UAP1: variants seen among roughly 807,000 people sequenced by gnomAD.
UAP1 encodes the protein UDP-N-acetylhexosamine pyrophosphorylase.
A neutral mutation model predicts 58.5 loss-of-function variants in UAP1; 25 were observed. The ratio of observed to expected loss-of-function variants is 0.43; its 90% CI spans 0.31 to 0.60. UAP1 has a LOEUF of 0.60. Ranked by LOEUF, UAP1 falls within the 20% of genes least tolerant of loss-of-function variation. The pLI is 0.11. For missense variants in UAP1, 575 were observed against 630.0 expected (o/e 0.91, Z 0.93); for synonymous variants, 208 against 213.0 (o/e 0.98, Z 0.21).
At chr1:162,578,978 C>A (rs1434647961) in intron 3 of UAP1, among the ~76,000 whole-genome samples, 1 of 152,094 alleles carries the variant, frequency 6.6e-6, no homozygotes, top group South Asian at 2.1e-4. Context: ...TATAATTATA[C>A]TTTTATGATT....
chr1:162,579,917 T>A (rs1260934028), intron 4 of UAP1, among the ~76,000 whole-genome samples: 2 of 152,170 alleles, frequency 1.3e-5, no homozygotes, highest in South Asian at 2.1e-4. Flanking sequence ...CAGGCTGGAG[T>A]ACAGTGGCGC....
At chr1:162,594,935 A>T (rs908051037) in intron 9 of UAP1, among the ~76,000 whole-genome samples, 3 of 152,238 alleles carry the variant, frequency 2.0e-5, no homozygotes, top group African/African-American at 7.2e-5. Flanking sequence ...GCTGAAGAAC[A>T]TCATGTAATT....
At chr1:162,562,285 T>C (rs1368979603) in intron 1 of UAP1, among the ~76,000 whole-genome samples, 1 of 151,990 alleles carries the variant, frequency 6.6e-6, no homozygotes, top group Admixed American at 6.6e-5. Flanking sequence ...AGTTGGTGTG[T>C]CTTGAATATA....
chr1:162,574,402 T>G (rs1390012200), intron 2 of UAP1, among the ~76,000 whole-genome samples: 2 of 152,216 alleles, frequency 1.3e-5, no homozygotes, highest in African/African-American at 4.8e-5. Flanking sequence ...CGGGTTTATT[T>G]TTCTTTATGT....
chr1:162,599,830 TC>T (rs2101856747), exon 11 of UAP1: 1 of 152,482 alleles, frequency 6.6e-6, no homozygotes, highest in South Asian at 2.1e-4. Flanking sequence ...TATCTTCTTG[TC>T]TCTGGAGTGT....
At chr1:162,582,080 A>G (rs575495779) in intron 5 of UAP1, among the ~76,000 whole-genome samples, 32 of 152,294 alleles carry the variant, frequency 2.1e-4, no homozygotes, top group Admixed American at 2.0e-3. Flanking sequence ...CAAAAAATAT[A>G]TATATTATAG....
At chr1:162,590,773 A>T (rs1655253984) in intron 8 of UAP1, among the ~76,000 whole-genome samples, 1 of 152,048 alleles carries the variant, frequency 6.6e-6, no homozygotes, top group South Asian at 2.1e-4. Flanking sequence ...ATGACAGCAA[A>T]AAGACTTCTA....
At chr1:162,593,400 C>T (rs1186492717) in intron 9 of UAP1, 2 of 152,132 alleles carry the variant, frequency 1.3e-5, no homozygotes, top group South Asian at 2.1e-4. Flanking sequence ...TTTGGAAAAG[C>T]CATTATCTTT....
At chr1:162,598,466 T>C (rs1329118895) in intron 10 of UAP1, among the ~76,000 whole-genome samples, 1 of 152,218 alleles carries the variant, frequency 6.6e-6, no homozygotes, top group African/African-American at 2.4e-5. Flanking sequence ...CTAGTCCATT[T>C]CACCTACTCA....
intron 5 of UAP1, among the ~76,000 whole-genome samples, chr1:162,584,597 C>T (rs1231925979): frequency 1.3e-5 from 2 of 152,160 alleles, no homozygotes; most frequent in African/African-American, 4.8e-5. Flanking sequence ...ATCCTCTCAC[C>T]TCAGCCTCCT....
rs557699732 is a variant in UAP1 at position 162,585,139 on chromosome 1, C to T, written c.835-2336C>T. On this transcript the variant is annotated intron_variant, in intron 5 of 10. Transcript: ENST00000271469. ...TCCTGACCTCAAGTGATCCACCTGC[C>T]TTGGCCTCCCGGAGTGCTGGGATTA... Among the ~76,000 whole-genome samples, 5 of 152,218 alleles carry T rather than the reference C, an allele frequency of 3.3e-5. No individual in the cohort carries two copies. In the East Asian group the frequency reaches 9.7e-4, roughly 29 times the overall value.
chr1:162,568,134 A>AATACATATATGTATTACT (rs1653637045), intron 2 of UAP1, among the ~76,000 whole-genome samples: 1 of 152,170 alleles, frequency 6.6e-6, no homozygotes, highest in African/African-American at 2.4e-5. Context: ...GATGTGTAGT[A>AATACATATATGTATTACT]ATACTATACA....
exon 3 of UAP1, chr1:162,576,955 T>C (rs761041441): frequency 1.9e-6 from 3 of 1,614,174 alleles, no homozygotes; most frequent in South Asian, 2.2e-5. Flanking sequence ...CTGAAAAATA[T>C]TATGGCAACA....
chr1:162,592,873 G>T, intron 9 of UAP1, 91 bp downstream of exon 9: 8 of 1,228,166 alleles, frequency 6.5e-6, no homozygotes, highest in Non-Finnish European at 9.3e-6. Flanking sequence ...TCTGCCTTTT[G>T]GGGGTCTGGA....
In UAP1 at chr1:162,577,004, A is replaced by G. The variant is rs766814582; in HGVS notation, c.485+23A>G. The G allele has an allele frequency of 2.1e-5, 33 of 1,603,358 alleles. No homozygotes were observed. The South Asian group carries it at 3.5e-4, about 17-fold the overall frequency. On this transcript the variant is annotated intron_variant, in intron 3 of 10. Coordinates refer to ENST00000271469, the Ensembl canonical transcript of UAP1. Reference sequence around the variant, plus strand: ...ATGGTAAGATACGTCTCATTATTGGAGTGTGTCTGAACATATATTGTTTTA... The same window carrying G: ...ATGGTAAGATACGTCTCATTATTGGGGTGTGTCTGAACATATATTGTTTTA...
At chr1:162,582,918 G>T (rs1455986172) in intron 5 of UAP1, among the ~76,000 whole-genome samples, 3 of 151,698 alleles carry the variant, frequency 2.0e-5, no homozygotes, top group Non-Finnish European at 4.4e-5. Flanking sequence ...GAAAATAAGT[G>T]TTGGTTTAGT....
At chr1:162,580,063 C>T (rs761409314) in intron 4 of UAP1, among the ~76,000 whole-genome samples, 105 of 152,222 alleles carry the variant, frequency 6.9e-4, no homozygotes, top group Non-Finnish European at 9.1e-4. Context: ...GAAGGGCTTT[C>T]GCCATGTTGG....
intron 1 of UAP1, 69 bp from the exon 2 acceptor site, chr1:162,565,943 A>C (rs762614235): frequency 1.1e-6 from 1 of 944,350 alleles, no homozygotes. Context: ...TCTTATTTTT[A>C]GAGGGGAAAA....
intron 5 of UAP1, among the ~76,000 whole-genome samples, chr1:162,584,011 A>G (rs888886305): frequency 6.6e-6 from 1 of 152,218 alleles, no homozygotes; most frequent in Non-Finnish European, 1.5e-5. Context: ...ATTAGAGTTC[A>G]TGTTTCCCAA....
Sources: allele counts gnomAD v4.1 joint callset (sites outside exome capture counted in the v4.1 genomes callset), GRCh38; gene constraint gnomAD v4.1.1; transcripts MANE v1.5; gene names NCBI Gene and HGNC (gene_info 2026-07-23, HGNC 2026-07-21).